STAB2: variants seen among roughly 807,000 people sequenced by gnomAD.
The protein encoded by STAB2 is stabilin-2.
In STAB2, 288 loss-of-function variants were observed where a neutral mutation model predicts 338.1. The observed-to-expected ratio is 0.85, with a 90% CI of 0.77 to 0.94. The LOEUF (loss-of-function observed/expected upper bound fraction) is 0.94. Ranked by LOEUF, STAB2 falls within the 40% of genes least tolerant of loss-of-function variation. The pLI is 0.00. For synonymous variants in STAB2, 1,202 were observed against 1,193.3 expected (o/e 1.01, Z -0.15); for missense variants, 3,141 against 3,210.1 (o/e 0.98, Z 0.52).
intron 3 of STAB2, among the ~76,000 whole-genome samples, chr12:103,598,851 C>T (rs1394821581): frequency 6.6e-6 from 1 of 152,176 alleles, no homozygotes; most frequent in Non-Finnish European, 1.5e-5. Flanking sequence ...TGATAGACCC[C>T]ATTCCCAATC....
intron 45 of STAB2, 67 bp from the exon 46 acceptor site, chr12:103,726,049 A>G: frequency 6.4e-7 from 1 of 1,568,622 alleles, no homozygotes; most frequent in South Asian, 1.1e-5. Context: ...AAATCATCCC[A>G]TGACAACCCT....
chr12:103,695,862 T>C lies in STAB2; in HGVS notation c.3582+18T>C, dbSNP rs750166365. ...TGTCTCTAGTAAGTGTCAAGAACTA[T>C]AACTAGGGAAGTTATTTTGTGAAAA... is the stretch of plus-strand genomic sequence containing the variant. On this transcript the variant is annotated intron_variant, in intron 33 of 68. Coordinates refer to ENST00000388887, the MANE Select transcript of STAB2 (RefSeq NM_017564.10). The C allele has an allele frequency of 2.5e-6, 4 of 1,607,846 alleles. No individual in the cohort carries two copies. The East Asian group carries it at 6.7e-5, about 27-fold the overall frequency.
rs760239562 is a variant in STAB2 at position 103,670,710 on chromosome 12, C to T, written c.2274C>T (p.Leu758=). Residue 758 remains leucine, a synonymous_variant, in exon 22 of 69, where the codon CTC becomes CTT. Coordinates refer to ENST00000388887, the MANE Select transcript of STAB2 (RefSeq NM_017564.10). ...CSGNGQCADS[L]GGNGTCICEE... ...TTTGCTCCCAGTGTGCAGATAGCCTCGGCGGCAACGGGACATGCATTTGTG... is the reference window on the plus strand; with the variant it reads ...TTTGCTCCCAGTGTGCAGATAGCCTTGGCGGCAACGGGACATGCATTTGTG... The T allele has an allele frequency of 5.2e-5, 84 of 1,613,846 alleles. No individual in the cohort carries two copies. The highest frequency in any genetic ancestry group is 6.3e-5 in the Non-Finnish European group (74 of 1,179,934).
In STAB2 at chr12:103,638,283, T is replaced by C. The variant is rs1957584730; in HGVS notation, c.906+71T>C. The C allele has an allele frequency of 5.3e-6, 8 of 1,496,138 alleles. No homozygotes were observed. In the Middle Eastern group the frequency reaches 6.3e-4, roughly 118 times the overall value. The allele number at this position is 1,496,138 out of a possible 1,614,324, so 92.7% of individuals were successfully genotyped here. On this transcript the variant is annotated intron_variant, in intron 8 of 68. Transcript: ENST00000388887. ...GCCACTATGTGTCACAGGTATCATT[T>C]GTCTTCTATGCCATCCCAATTCTCC...
rs371124177 is a variant in STAB2, at chr12:103,763,504, A to G, written c.7501A>G (p.Ile2501Val). ...GFQHFESEEDINVAALGKQQP... is the reference protein window; with the variant it reads ...GFQHFESEEDVNVAALGKQQP... ...TCTTTCCAAACAGTCGGAAGAGGACATTAATGTTGCAGCTCTTGGCAAGCA... is the reference window on the plus strand; with the variant it reads ...TCTTTCCAAACAGTCGGAAGAGGACGTTAATGTTGCAGCTCTTGGCAAGCA... The change falls in exon 68 of 69, where the codon ATT becomes GTT. Residue 2501 changes from isoleucine (I) to valine (V), a missense_variant. Ile to Val is a conservative substitution (Grantham distance 29, BLOSUM62 3). Coordinates refer to ENST00000388887, the MANE Select transcript of STAB2 (RefSeq NM_017564.10). 2.5e-6 allele frequency: 4 copies of G among 1,613,996 alleles called. No individual in the cohort carries two copies. Among genetic ancestry groups the G allele is most frequent in the African/African-American group, 1.3e-5 (1 of 74,926 alleles).
chr12:103,704,779 TA>T, intron 36 of STAB2, 165 bp downstream of exon 36: 1 of 663,240 alleles, frequency 1.5e-6, no homozygotes, highest in Admixed American at 3.6e-5. Flanking sequence ...ATCTTACATC[TA>T]TTTTTTTGGA....
chr12:103,603,816 A>T (rs1361010175), intron 3 of STAB2, among the ~76,000 whole-genome samples: 1 of 152,228 alleles, frequency 6.6e-6, no homozygotes, highest in African/African-American at 2.4e-5. Flanking sequence ...GAGAACTGAC[A>T]TCTAAAAATA....
rs765996605 is a variant in STAB2 at position 103,763,601 on chromosome 12, C to G, written c.7598C>G (p.Pro2533Arg). The change falls in exon 68 of 69, where the codon CCC (proline) becomes CGC (arginine). Residue 2533 changes from proline to arginine, a missense_variant. Pro to Arg is a moderately radical substitution (Grantham distance 103). Coordinates refer to ENST00000388887, the MANE Select transcript of STAB2 (RefSeq NM_017564.10). ...TSAPPEPSYD[P>R]FTDSEERQLE... ...GCTCCCCCAGAACCTTCCTACGACC[C>G]CTTCACGGTGAGTTTGCATTCTTAT... The G allele has an allele frequency of 1.4e-5, 23 of 1,613,516 alleles. No individual in the cohort carries two copies. The highest frequency in any genetic ancestry group is 1.6e-4 in the Middle Eastern group (1 of 6,084).
rs923951775 is a variant in STAB2 at position 103,742,294 on chromosome 12, C to CGAT, written c.5882-109_5882-107dup. ...CTTAAATATCCACTGACACTGAAGG[C>CGAT]GATGGTCCCTCTGGGCTAACAGAAG... On this transcript the variant is annotated intron_variant, in intron 55 of 68. Transcript: ENST00000388887. 15 of 1,418,592 alleles carry CGAT rather than the reference C, an allele frequency of 1.1e-5. No individual in the cohort carries two copies. The African/African-American group carries it at 2.1e-4, about 20-fold the overall frequency. 87.9% of individuals were successfully genotyped at this position (1,418,592 alleles called of 1,614,324 possible).
chr12:103,676,869 G>T (rs1353268549), intron 24 of STAB2, among the ~76,000 whole-genome samples: 1 of 152,038 alleles, frequency 6.6e-6, no homozygotes, highest in African/African-American at 2.4e-5. Context: ...ATTTCCTCTG[G>T]CTCTGAGGAT....
rs769903657 is a variant in STAB2 at position 103,762,329 on chromosome 12, C to A, written c.7415C>A (p.Thr2472Asn). 4.3e-6 allele frequency: 7 copies of A among 1,614,250 alleles called. No individual in the cohort carries two copies. The highest frequency in any genetic ancestry group is 5.9e-6 in the Non-Finnish European group (7 of 1,180,044). The change falls in exon 67 of 69, where the codon ACT (threonine) becomes AAT (asparagine). Residue 2472 changes from threonine (T) to asparagine (N), a missense_variant. Physicochemically the swap from Thr to Asn is moderately conservative, Grantham distance 65. Transcript: ENST00000388887. ...AGIFFAIILV[T>N]GAVALAAYSY... ...ATCTTCTTTGCCATCATCCTGGTGA[C>A]TGGGGCTGTTGCCTTGGCTGCTTAC... is the stretch of plus-strand genomic sequence containing the variant.
In STAB2 at chr12:103,658,328, A is replaced by G. The variant is rs78426351; in HGVS notation, c.1735-2003A>G. ...TGTCGCACCAAAAGGCTCTTCAACA[A>G]CGACAGCTCCTGGAAACCTACCCTG... On this transcript the variant is annotated intron_variant, in intron 15 of 68. Coordinates refer to ENST00000388887, the MANE Select transcript of STAB2 (RefSeq NM_017564.10). Among the ~76,000 whole-genome samples the G allele has an allele frequency of 4.3e-3, 649 of 152,250 alleles. 2 individuals carry two copies. The highest frequency in any genetic ancestry group is 7.2e-3 in the Non-Finnish European group (493 of 68,020).
At chr12:103,666,020 G>A (rs1189137025) in intron 18 of STAB2, among the ~76,000 whole-genome samples, 1 of 152,208 alleles carries the variant, frequency 6.6e-6, no homozygotes, top group Non-Finnish European at 1.5e-5. Flanking sequence ...CCCGTGGACA[G>A]GCTGGCTCTG....
chr12:103,727,017 TA>T (rs1402940113), intron 46 of STAB2, among the ~76,000 whole-genome samples: 1 of 152,224 alleles, frequency 6.6e-6, no homozygotes, highest in Non-Finnish European at 1.5e-5. Context: ...AGGCAGCTAT[TA>T]TTTTTTTCTT....
intron 39 of STAB2, among the ~76,000 whole-genome samples, chr12:103,709,994 A>G (rs1879707426): frequency 1.3e-5 from 2 of 152,110 alleles, no homozygotes; most frequent in South Asian, 2.1e-4. Context: ...TAACATACCT[A>G]ACATATTCCA....
At chr12:103,673,299 A>G (rs56939481) in intron 22 of STAB2, among the ~76,000 whole-genome samples, 48 of 151,618 alleles carry the variant, frequency 3.2e-4, no homozygotes, top group African/African-American at 1.1e-3. Context: ...CCTCTTCCCC[A>G]CACCCCACAC....
intron 65 of STAB2, among the ~76,000 whole-genome samples, chr12:103,760,205 T>C (rs1234990622): frequency 6.6e-6 from 1 of 152,174 alleles, no homozygotes; most frequent in Non-Finnish European, 1.5e-5. Context: ...CAACTGCCGT[T>C]TCTCAAGTGA....
At chr12:103,732,871 G>A (rs1406372802) in intron 50 of STAB2, 135 bp from the exon 51 acceptor site, 2 of 942,468 alleles carry the variant, frequency 2.1e-6, no homozygotes, top group Middle Eastern at 3.4e-4. Context: ...TTCTCTAGCT[G>A]CATCACCCTT....
chr12:103,759,038 C>T (rs1884344496), intron 64 of STAB2, 95 bp from the exon 65 acceptor site: 7 of 1,598,674 alleles, frequency 4.4e-6, no homozygotes, highest in Non-Finnish European at 3.4e-6. Context: ...AAGCCTAGGC[C>T]ATGAGAAGCA....
Sources: allele counts gnomAD v4.1 joint callset (sites outside exome capture counted in the v4.1 genomes callset), GRCh38; gene constraint gnomAD v4.1.1; transcripts MANE v1.5; gene names NCBI Gene and HGNC (gene_info 2026-07-23, HGNC 2026-07-21).